Variants in PTPRN2 observed in about 807,000 individuals in gnomAD.
PTPRN2 encodes the protein protein tyrosine phosphatase receptor type N2.
A neutral mutation model predicts 118.8 loss-of-function variants in PTPRN2; 74 were observed. The observed-to-expected ratio is 0.62, with a 90% confidence interval of 0.52 to 0.76. PTPRN2 has a LOEUF of 0.76. Among genes scored for constraint, PTPRN2 ranks in the 30% least tolerant of loss-of-function variants. The pLI, the probability that PTPRN2 is intolerant of heterozygous loss-of-function variation, is 0.00. For missense variants in PTPRN2, 1,481 were observed against 1,394.4 expected, an observed-to-expected ratio of 1.06 and a Z score of -0.99; for synonymous variants, 641 against 608.0, an observed-to-expected ratio of 1.05 and a Z score of -0.80.
intron 9 of PTPRN2, among the ~76,000 whole-genome samples, chr7:158,132,489 G>A (rs61042478): frequency 5.5e-4 from 82 of 149,256 alleles, no homozygotes; most frequent in African/African-American, 1.9e-3. Context: ...ACACACGCAC[G>A]CACATGCACA....
chr7:157,656,293 T>G, intron 14 of PTPRN2, 64 bp downstream of exon 14: 1 of 1,458,042 alleles, frequency 6.9e-7, no homozygotes, highest in Non-Finnish European at 9.3e-7. Flanking sequence ...TGCTGGGTGT[T>G]GCAGGGGCCG....
chr7:158,000,129 C>T (rs1464147003), intron 11 of PTPRN2, among the ~76,000 whole-genome samples: 3 of 152,168 alleles, frequency 2.0e-5, no homozygotes, highest in South Asian at 4.1e-4. Context: ...TCAAATGATC[C>T]ACCCGCCTTG....
At chr7:158,506,752 A>G (rs1822775243) in intron 1 of PTPRN2, among the ~76,000 whole-genome samples, 1 of 151,392 alleles carries the variant, frequency 6.6e-6, no homozygotes, top group Non-Finnish European at 1.5e-5. Context: ...TAGCTGTGAC[A>G]TGACAAGGCG....
intron 11 of PTPRN2, among the ~76,000 whole-genome samples, chr7:158,048,714 CCAT>C (rs1809072344): frequency 6.6e-6 from 1 of 151,440 alleles, no homozygotes; most frequent in Non-Finnish European, 1.5e-5. Context: ...ATCACCATCA[CCAT>C]CATATCACCA....
intron 2 of PTPRN2, among the ~76,000 whole-genome samples, chr7:158,395,979 T>A (rs1812459694): frequency 6.6e-6 from 1 of 152,030 alleles, no homozygotes; most frequent in African/African-American, 2.4e-5. Flanking sequence ...TGGGGCCTCA[T>A]CCCAGTCCCG....
At chr7:157,897,397 C>G (rs1345596988) in intron 12 of PTPRN2, among the ~76,000 whole-genome samples, 1 of 152,178 alleles carries the variant, frequency 6.6e-6, no homozygotes, top group Admixed American at 6.5e-5. Context: ...CCCCAAGACT[C>G]TTGGCTTCTT....
chr7:158,504,976 C>G (rs1822639253), intron 1 of PTPRN2, among the ~76,000 whole-genome samples: 1 of 152,196 alleles, frequency 6.6e-6, no homozygotes, highest in Admixed American at 6.5e-5. Flanking sequence ...TGCCCTGTCA[C>G]CAACAGAATA....
chr7:157,889,367 A>G (rs933995457), intron 12 of PTPRN2, among the ~76,000 whole-genome samples: 6 of 151,996 alleles, frequency 3.9e-5, no homozygotes, highest in African/African-American at 1.2e-4. Context: ...AGCCCTTTTA[A>G]AAGACTCCAT....
chr7:157,771,834 G>A (rs1360637789), intron 12 of PTPRN2, among the ~76,000 whole-genome samples: 1 of 102,618 alleles, frequency 9.7e-6, no homozygotes, highest in East Asian at 3.4e-4. Context: ...GAAACACACA[G>A]ACACAAGACA....
intron 2 of PTPRN2, among the ~76,000 whole-genome samples, chr7:158,358,208 C>G (rs74531829): frequency 6.6e-6 from 1 of 152,192 alleles, no homozygotes; most frequent in Non-Finnish European, 1.5e-5. Context: ...AGACCTGAGA[C>G]GCCCTACGCC....
intron 1 of PTPRN2, among the ~76,000 whole-genome samples, chr7:158,559,971 C>T (rs1374043686): frequency 6.6e-6 from 1 of 152,256 alleles, no homozygotes; most frequent in Non-Finnish European, 1.5e-5. Flanking sequence ...AATTTTCTCA[C>T]CTTCCCAAAC....
At chr7:157,696,612 C>A (rs1191504991) in intron 12 of PTPRN2, among the ~76,000 whole-genome samples, 1 of 145,636 alleles carries the variant, frequency 6.9e-6, no homozygotes. Flanking sequence ...TAGTAGAGCC[C>A]TCACCATCTA....
intron 4 of PTPRN2, among the ~76,000 whole-genome samples, chr7:158,204,159 G>T (rs1045793429): frequency 6.6e-6 from 1 of 151,536 alleles, no homozygotes; most frequent in South Asian, 2.1e-4. Flanking sequence ...TGTGTGCGGC[G>T]TTCTGGGGAA....
intron 5 of PTPRN2, among the ~76,000 whole-genome samples, chr7:158,184,207 G>A (rs1563571413): frequency 6.6e-6 from 1 of 151,910 alleles, no homozygotes; most frequent in Non-Finnish European, 1.5e-5. Flanking sequence ...CAATTTGGAG[G>A]TAATTTCTAC....
intron 11 of PTPRN2, among the ~76,000 whole-genome samples, chr7:157,926,059 AATGG>A (rs1181861904): frequency 6.6e-6 from 1 of 152,288 alleles, no homozygotes; most frequent in Non-Finnish European, 1.5e-5. Flanking sequence ...ATGTGAGGCG[AATGG>A]ATGAATTTAA....
At chr7:157,608,870 A>G (rs751390274) in intron 15 of PTPRN2, among the ~76,000 whole-genome samples, 23 of 152,336 alleles carry the variant, frequency 1.5e-4, no homozygotes, top group South Asian at 4.1e-4. Flanking sequence ...GTGAGAATTC[A>G]TAACAGCCTG....
At chr7:158,221,071 C>A (rs561251859) in intron 3 of PTPRN2, among the ~76,000 whole-genome samples, 1 of 152,050 alleles carries the variant, frequency 6.6e-6, no homozygotes, top group African/African-American at 2.4e-5. Flanking sequence ...CACACACCTA[C>A]AAACATCTGA....
intron 11 of PTPRN2, among the ~76,000 whole-genome samples, chr7:157,971,265 A>T (rs1290568906): frequency 6.6e-6 from 1 of 152,234 alleles, no homozygotes; most frequent in African/African-American, 2.4e-5. Context: ...ACCTTCAATA[A>T]AAAAGGTTAT....
Position 158,214,397 on chromosome 7 carries a change from T to TACACACAC in PTPRN2, c.278-9132_278-9125dup, listed in dbSNP as rs144370539. Among the ~76,000 whole-genome samples, 1,352 of 145,834 alleles carry TACACACAC rather than the reference T, an allele frequency of 9.3e-3. 13 individuals carry two copies. The highest frequency in any genetic ancestry group is 0.025 in the East Asian group (119 of 4,830). On this transcript the variant is annotated intron_variant, in intron 3 of 22. Transcript: ENST00000389418. ...GCCGCAATCCGGAAACACCAGCGTG[T>TACACACAC]ACACACACACACACACACACACACA... is the stretch of plus-strand genomic sequence containing the variant.
Sources: gnomAD v4.1 joint callset for allele counts (sites outside exome capture counted in the v4.1 genomes callset) on GRCh38, gnomAD v4.1.1 for gene constraint, MANE v1.5 for transcripts, NCBI Gene and HGNC (gene_info 2026-07-23, HGNC 2026-07-21) for gene names.